Variants in IARS1 observed in about 807,000 individuals in gnomAD.
IARS1 encodes the protein isoleucine--tRNA ligase, cytoplasmic.
In IARS1, 124 loss-of-function variants were observed where a neutral mutation model predicts 168.2. The observed-to-expected ratio is 0.74, with a 90% CI of 0.64 to 0.86. The LOEUF (loss-of-function observed/expected upper bound fraction) is 0.86, where lower values mean the gene tolerates loss of function less well. Ranked by LOEUF, IARS1 falls within the 40% of genes least tolerant of loss-of-function variation. IARS1 has a pLI of 0.00. For synonymous variants in IARS1, 532 were observed against 529.4 expected (o/e 1.00, Z -0.07); for missense variants, 1,452 against 1,515.8 (o/e 0.96, Z 0.70).
At chr9:92,263,119 T>C in intron 16 of IARS1, 64 bp from the exon 17 acceptor site, 1 of 1,096,096 alleles carries the variant, frequency 9.1e-7, no homozygotes, top group Non-Finnish European at 1.4e-6. Flanking sequence ...AGAAAGAAAC[T>C]GTATTTATTC....
intron 30 of IARS1, among the ~76,000 whole-genome samples, chr9:92,234,138 TTGC>T (rs1465789186): frequency 6.6e-6 from 1 of 152,196 alleles, no homozygotes; most frequent in East Asian, 1.9e-4. Context: ...CTAGTATAGA[TTGC>T]TATTATGAAA....
intron 31 of IARS1, 140 bp from the exon 32 acceptor site, chr9:92,223,629 C>A: frequency 1.5e-6 from 1 of 684,148 alleles, no homozygotes; most frequent in Non-Finnish European, 2.4e-6. Flanking sequence ...GAGACATTGC[C>A]TTTTCTATAA....
chr9:92,219,329 A>G (rs1839295567), intron 33 of IARS1, among the ~76,000 whole-genome samples: 1 of 152,052 alleles, frequency 6.6e-6, no homozygotes, highest in Non-Finnish European at 1.5e-5. Context: ...AAGAAAACCT[A>G]GGCATTACCA....
At chr9:92,272,864 CAAAAAAAAAAAA>C (rs869076663) in intron 10 of IARS1, among the ~76,000 whole-genome samples, 2 of 57,040 alleles carry the variant, frequency 3.5e-5, no homozygotes, top group Non-Finnish European at 6.4e-5. Context: ...CAAAACAAAA[CAAAAAAAAAAAA>C]AAAAAAAAAA....
chr9:92,279,391 T>C (rs557461584), intron 7 of IARS1, among the ~76,000 whole-genome samples: 7 of 152,306 alleles, frequency 4.6e-5, no homozygotes, highest in African/African-American at 1.7e-4. Flanking sequence ...ACAGAATGGC[T>C]AGTGACCCAC....
At chr9:92,279,222 C>T (rs1192031960) in intron 7 of IARS1, among the ~76,000 whole-genome samples, 1 of 152,114 alleles carries the variant, frequency 6.6e-6, no homozygotes, top group Non-Finnish European at 1.5e-5. Context: ...GCTGCCACTC[C>T]CTAGCTCTGA....
In IARS1 at chr9:92,210,823, G is replaced by T; in HGVS notation, c.3773C>A (p.Thr1258Lys). ...MKTVYVSVLP[T>K]TADF The stretch of plus-strand genomic sequence containing the variant: ...AAGTACATGCTAGAAGTCTGCTGTT[G>T]TTGGTAACACAGAAACATACACAGT... The change falls in exon 34 of 34, where the codon ACA (threonine) becomes AAA (lysine). Residue 1258 changes from threonine to lysine, a missense_variant. Thr to Lys is a moderately conservative substitution (Grantham distance 78, BLOSUM62 -1). Coordinates refer to ENST00000443024, the MANE Select transcript of IARS1 (RefSeq NM_002161.6). The T allele has an allele frequency of 1.2e-6, 2 of 1,608,654 alleles. No homozygotes were observed. Among genetic ancestry groups the T allele is most frequent in the South Asian group, 2.2e-5 (2 of 90,974 alleles).
chr9:92,231,102 C>T (rs1003636600), intron 30 of IARS1, among the ~76,000 whole-genome samples: 4 of 152,184 alleles, frequency 2.6e-5, no homozygotes, highest in Non-Finnish European at 5.9e-5. Context: ...CAATATATCA[C>T]TTTTCCCTTT....
chr9:92,280,659 T>G, intron 7 of IARS1, 87 bp downstream of exon 7: 1 of 762,312 alleles, frequency 1.3e-6, no homozygotes, highest in South Asian at 2.7e-5. Context: ...CTATTCTTCA[T>G]GCAAAAAGAA....
In IARS1 at chr9:92,271,519, T is replaced by C. The variant is rs550321532; in HGVS notation, c.1113+14A>G. Reference sequence around the variant, plus strand: ...AAGTAACAGTCACCCTTCTATGCTATATGGATTACAGACCTTCACATACTG... The same window carrying C: ...AAGTAACAGTCACCCTTCTATGCTACATGGATTACAGACCTTCACATACTG... On this transcript the variant is annotated intron_variant, in intron 11 of 33. Transcript: ENST00000443024. 1.9e-6 allele frequency: 3 copies of C among 1,613,952 alleles called. No individual in the cohort carries two copies. Among genetic ancestry groups the C allele is most frequent in the African/African-American group, 1.3e-5 (1 of 75,050 alleles).
intron 6 of IARS1, among the ~76,000 whole-genome samples, chr9:92,281,200 C>G (rs1403107081): frequency 6.8e-6 from 1 of 146,214 alleles, no homozygotes; most frequent in Non-Finnish European, 1.5e-5. Context: ...GTGGTACAAT[C>G]TTGGCTCACT....
chr9:92,245,181 A>G, intron 26 of IARS1, 110 bp from the exon 27 acceptor site: 1 of 781,694 alleles, frequency 1.3e-6, no homozygotes, highest in Non-Finnish European at 2.2e-6. Context: ...ACAAAGCCAC[A>G]GAGGCTTCAA....
At chr9:92,259,061 C>T (rs879185713) in intron 18 of IARS1, 63 bp from the exon 19 acceptor site, 6 of 1,392,372 alleles carry the variant, frequency 4.3e-6, no homozygotes, top group South Asian at 1.5e-5. Context: ...TATTACTACT[C>T]GACATATTGA....
rs1015712297 is a variant in IARS1 at position 92,251,978 on chromosome 9, G to C, written c.2230-93C>G. On this transcript the variant is annotated intron_variant, in intron 21 of 33. Coordinates refer to ENST00000443024, the MANE Select transcript of IARS1 (RefSeq NM_002161.6). ...TTATTAAAAAGAGGCAATCTTCAAA[G>C]AACATGCAGCATACAGACAAGACAT... 3.4e-6 allele frequency: 3 copies of C among 885,868 alleles called. No individual in the cohort carries two copies. In the African/African-American group the frequency reaches 5.0e-5, roughly 15 times the overall value. The allele number at this position is 885,868 out of a possible 1,614,324, so 54.9% of individuals were successfully genotyped here.
intron 9 of IARS1, among the ~76,000 whole-genome samples, 185 bp downstream of exon 9, chr9:92,277,678 A>ATTT (rs879733186): frequency 0.027 from 4,104 of 151,768 alleles, 86 homozygotes; most frequent in South Asian, 0.077. Context: ...TGTTTTTAAA[A>ATTT]AAAAAAAAAA....
intron 33 of IARS1, among the ~76,000 whole-genome samples, chr9:92,215,016 G>A (rs1478678458): frequency 1.3e-5 from 2 of 152,174 alleles, no homozygotes; most frequent in Non-Finnish European, 2.9e-5. Context: ...AGACTTAAAT[G>A]TCCCTGTCTG....
At chr9:92,232,787 G>T (rs1826920072) in intron 30 of IARS1, among the ~76,000 whole-genome samples, 1 of 152,120 alleles carries the variant, frequency 6.6e-6, no homozygotes, top group South Asian at 2.1e-4. Flanking sequence ...TGTCTCTACA[G>T]AAAAGAAAAC....
Position 92,258,955 on chromosome 9 carries a change from G to A in IARS1, c.1915C>T (p.Arg639Cys), listed in dbSNP as rs771255219. 1.9e-5 allele frequency: 30 copies of A among 1,613,600 alleles called. No individual in the cohort carries two copies. In the East Asian group the frequency reaches 2.7e-4, roughly 14 times the overall value. The change falls in exon 19 of 34, where the codon CGC becomes TGC. Residue 639 changes from arginine to cysteine, a missense_variant. Transcript: ENST00000443024. Reference sequence around the variant, plus strand: ...TCCCGCACACCCTCTTCTTTAAAGCGGAGGTTTTCTGCTCTCACCACAGGG... The same window carrying A: ...TCCCGCACACCCTCTTCTTTAAAGCAGAGGTTTTCTGCTCTCACCACAGGG... ...NSPVVRAENL[R>C]FKEEGVRDVL...
At chr9:92,248,012 T>C (rs1195825036) in intron 25 of IARS1, among the ~76,000 whole-genome samples, 1 of 152,230 alleles carries the variant, frequency 6.6e-6, no homozygotes, top group Non-Finnish European at 1.5e-5. Context: ...TCTATAAATA[T>C]GCTTAAAAAC....
Sources: gnomAD v4.1 joint callset for allele counts (sites outside exome capture counted in the v4.1 genomes callset) on GRCh38, gnomAD v4.1.1 for gene constraint, MANE v1.5 for transcripts, NCBI Gene and HGNC (gene_info 2026-07-23, HGNC 2026-07-21) for gene names.